Variants in NEK7 observed in about 807,000 individuals in gnomAD.
NEK7 encodes serine/threonine-protein kinase Nek7.
NEK7 carries 18 observed loss-of-function variants against 44.6 expected under a neutral mutation model. The ratio of observed to expected loss-of-function variants is 0.40; its 90% CI spans 0.28 to 0.60. The LOEUF (loss-of-function observed/expected upper bound fraction) is 0.60. NEK7 is among the 20% of genes least tolerant of loss of function. NEK7 has a pLI of 0.38. For missense variants in NEK7, 256 were observed against 366.5 expected (o/e 0.70, Z 2.46); for synonymous variants, 130 against 121.1 (o/e 1.07, Z -0.48).
At chr1:198,275,119 T>A (rs1041725562) in intron 5 of NEK7, among the ~76,000 whole-genome samples, 8 of 151,578 alleles carry the variant, frequency 5.3e-5, no homozygotes, top group Non-Finnish European at 7.4e-5. Context: ...CAGTATTTAT[T>A]TGAATAATTT....
chr1:198,310,555 C>T (rs1655149158), intron 9 of NEK7, among the ~76,000 whole-genome samples: 1 of 142,944 alleles, frequency 7.0e-6, no homozygotes, highest in Admixed American at 6.9e-5. Context: ...AGGTTTTCTT[C>T]TAGGGTTTTT....
At chr1:198,271,147 T>C (rs1423651575) in intron 5 of NEK7, among the ~76,000 whole-genome samples, 1 of 152,086 alleles carries the variant, frequency 6.6e-6, no homozygotes, top group Non-Finnish European at 1.5e-5. Flanking sequence ...TTGACTTTTT[T>C]GAATGGCTCA....
At position 198,313,294 on chromosome 1, in the gene NEK7, A is replaced by G. The variant is rs553497683; in HGVS notation, c.799-6118A>G. Among the ~76,000 whole-genome samples, 7 of 151,918 alleles carry G rather than the reference A, an allele frequency of 4.6e-5. 1 individual carries two copies. The highest frequency in any genetic ancestry group is 2.0e-4 in the Admixed American group (3 of 15,252). On this transcript the variant is annotated intron_variant, in intron 9 of 9. Transcript: ENST00000367385. Reference sequence around the variant, plus strand: ...TTTTTTTGTTTTCGATTTGCTTGGTAGATCTTCCTCCATCCTTTTATTTTG... The same window carrying G: ...TTTTTTTGTTTTCGATTTGCTTGGTGGATCTTCCTCCATCCTTTTATTTTG...
At chr1:198,242,635 T>C (rs1666719163) in intron 2 of NEK7, among the ~76,000 whole-genome samples, 1 of 151,696 alleles carries the variant, frequency 6.6e-6, no homozygotes, top group African/African-American at 2.4e-5. Flanking sequence ...CTAGTTTTTT[T>C]GTATTTTTAG....
intron 5 of NEK7, 23 bp downstream of exon 5, chr1:198,264,258 T>A: frequency 1.3e-6 from 2 of 1,530,468 alleles, no homozygotes; most frequent in South Asian, 1.2e-5. Context: ...AAAATTGTCT[T>A]AATGTTTTGT....
intron 1 of NEK7, among the ~76,000 whole-genome samples, chr1:198,212,551 T>G (rs1029585351): frequency 1.3e-5 from 2 of 152,216 alleles, no homozygotes; most frequent in Non-Finnish European, 2.9e-5. Flanking sequence ...AACTGCCCTC[T>G]GATCCCCACT....
At chr1:198,167,505 T>C (rs1664303245) in intron 1 of NEK7, among the ~76,000 whole-genome samples, 1 of 152,104 alleles carries the variant, frequency 6.6e-6, no homozygotes, top group Non-Finnish European at 1.5e-5. Flanking sequence ...TGAAAGAAAA[T>C]AGTACATCTA....
At chr1:198,290,684 A>C (rs1260488549) in intron 7 of NEK7, among the ~76,000 whole-genome samples, 5 of 152,226 alleles carry the variant, frequency 3.3e-5, no homozygotes, top group African/African-American at 9.6e-5. Context: ...CTCATCTTAT[A>C]TAATGACTGT....
At chr1:198,257,080 G>A (rs1653292015) in intron 3 of NEK7, among the ~76,000 whole-genome samples, 1 of 151,838 alleles carries the variant, frequency 6.6e-6, no homozygotes, top group African/African-American at 2.4e-5. Flanking sequence ...GCTTAATTTC[G>A]CTTTGCTTAC....
At position 198,176,429 on chromosome 1, in the gene NEK7, G is replaced by A. The variant is rs1664605846; in HGVS notation, c.-29+19153G>A. Among the ~76,000 whole-genome samples the A allele has an allele frequency of 2.0e-5, 3 of 152,120 alleles. 1 individual carries two copies. In the South Asian group the frequency reaches 6.2e-4, roughly 32 times the overall value. ...AGGCACATAGGTATTAAATAACTTG[G>A]CATTTGGAGGAAGTATAAGTGGTTC... On this transcript the variant is annotated intron_variant, in intron 1 of 9. Transcript: ENST00000367385.
intron 1 of NEK7, among the ~76,000 whole-genome samples, chr1:198,161,756 G>T (rs1371373188): frequency 6.6e-6 from 1 of 152,062 alleles, no homozygotes; most frequent in East Asian, 1.9e-4. Context: ...ATGAATGCCT[G>T]TCTGTGGCTC....
intron 9 of NEK7, among the ~76,000 whole-genome samples, chr1:198,306,866 T>C (rs1392107308): frequency 6.6e-6 from 1 of 152,156 alleles, no homozygotes; most frequent in East Asian, 1.9e-4. Context: ...AGTATATCTT[T>C]AGAACAACAA....
chr1:198,183,424 A>C (rs1288464319), intron 1 of NEK7, among the ~76,000 whole-genome samples: 1 of 152,148 alleles, frequency 6.6e-6, no homozygotes, highest in Non-Finnish European at 1.5e-5. Flanking sequence ...GAATCATCAG[A>C]AATGTTTTTT....
intron 2 of NEK7, among the ~76,000 whole-genome samples, chr1:198,252,220 T>G (rs1653032711): frequency 6.6e-6 from 1 of 152,160 alleles, no homozygotes; most frequent in African/African-American, 2.4e-5. Context: ...TCTAGTTTGA[T>G]TGCCCTGTGG....
intron 5 of NEK7, among the ~76,000 whole-genome samples, chr1:198,265,685 T>C (rs553326343): frequency 2.0e-5 from 3 of 152,252 alleles, no homozygotes; most frequent in Middle Eastern, 3.4e-3. Context: ...AGATTGTCAC[T>C]AGAGGTAGCA....
At chr1:198,160,335 GCT>G (rs1445289291) in intron 1 of NEK7, among the ~76,000 whole-genome samples, 1 of 150,206 alleles carries the variant, frequency 6.7e-6, no homozygotes, top group African/African-American at 2.5e-5. Flanking sequence ...TTTTAAATAG[GCT>G]TTGGTATTTT....
At chr1:198,299,140 TAAAATGTGTTGTCATTCCCTGATGA>T in intron 9 of NEK7, among the ~76,000 whole-genome samples, 1 of 152,372 alleles carries the variant, frequency 6.6e-6, no homozygotes, top group South Asian at 2.1e-4. Context: ...CTCGTATTGG[TAAAATGTGTTGTCATTCCCTGATGA>T]AATAGAAAGC....
At chr1:198,177,213 T>C (rs950003054) in intron 1 of NEK7, among the ~76,000 whole-genome samples, 2 of 152,182 alleles carry the variant, frequency 1.3e-5, no homozygotes, top group African/African-American at 4.8e-5. Flanking sequence ...GCAAGTACTA[T>C]ATTAAGTAGT....
chr1:198,159,879 C>G (rs896697395), intron 1 of NEK7, among the ~76,000 whole-genome samples: 1 of 152,130 alleles, frequency 6.6e-6, no homozygotes, highest in Non-Finnish European at 1.5e-5. Context: ...ATCGTAATGA[C>G]CAGAAGTCCA....
Sources: allele counts gnomAD v4.1 joint callset (sites outside exome capture counted in the v4.1 genomes callset), GRCh38; gene constraint gnomAD v4.1.1; transcripts MANE v1.5; gene names NCBI Gene and HGNC (gene_info 2026-07-23, HGNC 2026-07-21).